The following PPP3CB variants were observed in gnomAD, a reference collection of about 807,000 sequenced individuals.
The protein encoded by PPP3CB is serine/threonine-protein phosphatase 2B catalytic subunit beta isoform.
Under a neutral mutation model 66.4 loss-of-function variants are expected in PPP3CB, and 8 were observed. That is an observed-to-expected ratio of 0.12 (90% CI 0.07 to 0.22). PPP3CB has a LOEUF of 0.22. Ranked by LOEUF, PPP3CB falls within the 10% of genes least tolerant of loss-of-function variation. The pLI is 1.00. For missense variants in PPP3CB, 319 were observed against 642.5 expected (o/e 0.50, Z 5.44); for synonymous variants, 208 against 221.2 (o/e 0.94, Z 0.53).
chr10:73,452,494 G>C (rs961356364), intron 10 of PPP3CB, among the ~76,000 whole-genome samples: 1 of 152,072 alleles, frequency 6.6e-6, no homozygotes, highest in Non-Finnish European at 1.5e-5. Flanking sequence ...TCAGGAGTTC[G>C]AGACAAGTTT....
intron 10 of PPP3CB, among the ~76,000 whole-genome samples, chr10:73,452,132 C>T (rs376150943): frequency 3.9e-5 from 6 of 152,056 alleles, no homozygotes; most frequent in Non-Finnish European, 7.4e-5. Flanking sequence ...AAAACTCTCA[C>T]TAAATATTTC....
intron 10 of PPP3CB, among the ~76,000 whole-genome samples, chr10:73,450,428 T>C (rs2056326123): frequency 6.6e-6 from 1 of 152,210 alleles, no homozygotes. Flanking sequence ...CCTACCCCAC[T>C]TTAAACCTTA....
At chr10:73,469,575 G>A (rs2132919823) in intron 8 of PPP3CB, among the ~76,000 whole-genome samples, 1 of 152,168 alleles carries the variant, frequency 6.6e-6, no homozygotes, top group Admixed American at 6.5e-5. Context: ...ACTTAGATAT[G>A]TTTCTTCTCA....
chr10:73,453,130 A>G (rs920095559), intron 10 of PPP3CB, among the ~76,000 whole-genome samples: 3 of 152,202 alleles, frequency 2.0e-5, no homozygotes, highest in African/African-American at 4.8e-5. Flanking sequence ...CCAAAATCCA[A>G]TGAGGTAGTC....
intron 13 of PPP3CB, among the ~76,000 whole-genome samples, 162 bp downstream of exon 13, chr10:73,439,710 A>G (rs1006704072): frequency 6.6e-6 from 1 of 152,144 alleles, no homozygotes. Context: ...TAAAAATGAA[A>G]AATTAAAAAA....
intron 10 of PPP3CB, among the ~76,000 whole-genome samples, chr10:73,449,422 C>T (rs761413623): frequency 6.6e-6 from 1 of 152,180 alleles, no homozygotes; most frequent in Non-Finnish European, 1.5e-5. Flanking sequence ...AGTAACAGTT[C>T]TAAGAGTAGG....
intron 1 of PPP3CB, among the ~76,000 whole-genome samples, chr10:73,495,239 G>A (rs2057169725): frequency 6.6e-6 from 1 of 152,024 alleles, no homozygotes; most frequent in Non-Finnish European, 1.5e-5. Context: ...ACCCTTCACC[G>A]TGATCCAATC....
chr10:73,455,376 T>G (rs1165427745), intron 9 of PPP3CB, among the ~76,000 whole-genome samples: 1 of 152,180 alleles, frequency 6.6e-6, no homozygotes, highest in East Asian at 1.9e-4. Context: ...TTTGGATCAT[T>G]TTTCCCCAAA....
intron 13 of PPP3CB, 45 bp downstream of exon 13, chr10:73,439,827 C>T: frequency 1.3e-6 from 2 of 1,592,296 alleles, no homozygotes. Context: ...TGATGCCCAC[C>T]CACACACCAC....
intron 1 of PPP3CB, among the ~76,000 whole-genome samples, chr10:73,481,057 T>G (rs1388058342): frequency 6.6e-6 from 1 of 152,046 alleles, no homozygotes; most frequent in Non-Finnish European, 1.5e-5. Context: ...CTTTACTGAA[T>G]AGTACTTTGT....
Position 73,476,491 on chromosome 10 carries a change from C to A in PPP3CB, c.412-1461G>T, listed in dbSNP as rs535768410. ...AACTAGCCGGGAGTGGTGGTGGGCA[C>A]CTGTAATCCCAACTACTTGGGAGGC... On this transcript the variant is annotated intron_variant, in intron 3 of 13. Transcript: ENST00000360663. 1.5e-3 allele frequency among the ~76,000 whole-genome samples: 235 copies of A among 152,066 alleles called. 1 individual carries two copies. Among genetic ancestry groups the A allele is most frequent in the African/African-American group, 5.5e-3 (227 of 41,470 alleles).
chr10:73,479,431 G>A lies in PPP3CB; in HGVS notation c.172C>T (p.His58Tyr). ...GIPRVDVLKN[H>Y]LVKEGRVDEE... is the part of the protein sequence containing the mutation. ...TCTACTCGACCTTCTTTCACCAAGT[G>A]GTTCTTCAGAACATCAACCCTGGGT... Residue 58 changes from histidine to tyrosine, a missense_variant, in exon 2 of 14, where the codon CAC becomes TAC. Physicochemically the swap from His to Tyr is moderately conservative, Grantham distance 83 (BLOSUM62 2). Coordinates refer to ENST00000360663, the MANE Select transcript of PPP3CB (RefSeq NM_021132.4). The A allele has an allele frequency of 6.2e-7, 1 of 1,614,018 alleles. No individual in the cohort carries two copies. Among genetic ancestry groups the A allele is most frequent in the Non-Finnish European group, 8.5e-7 (1 of 1,179,972 alleles).
intron 12 of PPP3CB, among the ~76,000 whole-genome samples, chr10:73,442,237 G>A (rs543521985): frequency 7.9e-5 from 12 of 152,152 alleles, no homozygotes; most frequent in Non-Finnish European, 1.3e-4. Flanking sequence ...AGTCCATGCT[G>A]AGAATAGAGA....
At chr10:73,490,525 G>GT (rs2057055277) in intron 1 of PPP3CB, among the ~76,000 whole-genome samples, 1 of 152,152 alleles carries the variant, frequency 6.6e-6, no homozygotes, top group Non-Finnish European at 1.5e-5. Flanking sequence ...TCATCTCTGT[G>GT]TATAAAAAAC....
chr10:73,482,396 A>T (rs952413050), intron 1 of PPP3CB, among the ~76,000 whole-genome samples: 1 of 151,732 alleles, frequency 6.6e-6, no homozygotes, highest in African/African-American at 2.4e-5. Context: ...TACAAAAATT[A>T]GCTGGGTGTG....
chr10:73,462,646 T>C (rs1473106363), intron 9 of PPP3CB, among the ~76,000 whole-genome samples: 1 of 152,036 alleles, frequency 6.6e-6, no homozygotes, highest in African/African-American at 2.4e-5. Context: ...GGGATTTGAC[T>C]AGTAAGAAAA....
intron 1 of PPP3CB, among the ~76,000 whole-genome samples, chr10:73,482,542 C>CAAA (rs537336452): frequency 4.6e-3 from 166 of 36,170 alleles, no homozygotes; most frequent in East Asian, 0.017. Flanking sequence ...GACTCCGTCT[C>CAAA]AAAAAAAAAA....
At chr10:73,447,895 A>G (rs181327971) in intron 10 of PPP3CB, among the ~76,000 whole-genome samples, 294 of 149,314 alleles carry the variant, frequency 2.0e-3, no homozygotes, top group Non-Finnish European at 3.3e-3. Context: ...TAAAATACCA[A>G]AAAAAAAAAC....
In PPP3CB at chr10:73,495,976, GGGGAA is replaced by G; in HGVS notation, c.-92_-88del. 1.2e-6 allele frequency: 1 copy of G among 856,314 alleles called. No homozygotes were observed. The highest frequency in any genetic ancestry group is 1.5e-6 in the Non-Finnish European group (1 of 647,548). The allele number at this position is 856,314 out of a possible 1,614,324, so 53.0% of individuals were successfully genotyped here. A position where few individuals can be genotyped will look rare whatever the true frequency, so the allele number is the denominator to read the frequency against. On this transcript the variant is annotated 5_prime_UTR_variant, in exon 1 of 14. An upstream open reading frame in the 5' UTR loses its in-frame stop. Coordinates refer to ENST00000360663, the MANE Select transcript of PPP3CB (RefSeq NM_021132.4). ...ACCAGAGCCAAGCGGCGGCGCCGCCGGGGAACATGGCGGACCCTCTTTCCCTACAG... is the reference window on the plus strand; with the variant it reads ...ACCAGAGCCAAGCGGCGGCGCCGCCGCATGGCGGACCCTCTTTCCCTACAG...
Sources: gnomAD v4.1 joint callset for allele counts (sites outside exome capture counted in the v4.1 genomes callset) on GRCh38, gnomAD v4.1.1 for gene constraint, MANE v1.5 for transcripts, NCBI Gene and HGNC (gene_info 2026-07-23, HGNC 2026-07-21) for gene names.